GPR158: variants seen among roughly 807,000 people sequenced by gnomAD.
GPR158 encodes the protein G protein-coupled receptor 158.
Under a neutral mutation model 78.2 loss-of-function variants are expected in GPR158, and 30 were observed. The observed-to-expected ratio is 0.38, with a 90% CI of 0.29 to 0.52. GPR158 has a LOEUF of 0.52. GPR158 is among the 20% of genes least tolerant of loss of function. The pLI, the probability that GPR158 is intolerant of heterozygous loss-of-function variation, is 0.83. For synonymous variants in GPR158, 581 were observed against 591.1 expected (o/e 0.98, Z 0.25); for missense variants, 1,463 against 1,523.5 (o/e 0.96, Z 0.66).
intron 2 of GPR158, among the ~76,000 whole-genome samples, chr10:25,285,048 C>A (rs888750350): frequency 1.4e-5 from 2 of 145,288 alleles, no homozygotes; most frequent in Non-Finnish European, 3.0e-5. Context: ...TCCCTTACTG[C>A]ATTTCCAGTT....
intron 4 of GPR158, among the ~76,000 whole-genome samples, chr10:25,412,718 T>C (rs66977057): frequency 0.04 from 6,072 of 152,330 alleles, 126 homozygotes; most frequent in African/African-American, 0.05. Context: ...CAGTGCTTCA[T>C]TGACTTAAAT....
chr10:25,601,520 A>G lies in GPR158; in HGVS notation c.*2246A>G, dbSNP rs1002011089. On this transcript the variant is annotated 3_prime_UTR_variant, in exon 11 of 11. Coordinates refer to ENST00000376351, the MANE Select transcript of GPR158 (RefSeq NM_020752.3). Reference sequence around the variant, plus strand: ...TGCAGTCAAGCATCAGTGACTTTCTATTGCACTTCAGGATTGATCCTGCTA... The same window carrying G: ...TGCAGTCAAGCATCAGTGACTTTCTGTTGCACTTCAGGATTGATCCTGCTA... 2 of 152,580 alleles carry G rather than the reference A, an allele frequency of 1.3e-5. No individual in the cohort carries two copies. The highest frequency in any genetic ancestry group is 2.9e-5 in the Non-Finnish European group (2 of 68,032). The allele number at this position is 152,580 out of a possible 1,614,324, so 9.5% of individuals were successfully genotyped here. A position where few individuals can be genotyped will look rare whatever the true frequency, so the allele number is the denominator to read the frequency against.
chr10:25,403,169 A>C (rs769671735), intron 3 of GPR158, among the ~76,000 whole-genome samples: 1 of 151,966 alleles, frequency 6.6e-6, no homozygotes, highest in Non-Finnish European at 1.5e-5. Flanking sequence ...TTGCTTAACC[A>C]TTCTAAGGTT....
chr10:25,576,572 G>A (rs1201234415), intron 7 of GPR158, among the ~76,000 whole-genome samples: 1 of 152,036 alleles, frequency 6.6e-6, no homozygotes, highest in Non-Finnish European at 1.5e-5. Context: ...GAGTAATGAC[G>A]ACCCTGAGAT....
chr10:25,483,243 C>T (rs1271181092), intron 5 of GPR158, among the ~76,000 whole-genome samples: 1 of 152,072 alleles, frequency 6.6e-6, no homozygotes, highest in East Asian at 1.9e-4. Context: ...AAAAGACCTT[C>T]ATGATCTGCT....
intron 1 of GPR158, among the ~76,000 whole-genome samples, chr10:25,199,325 C>T (rs1588730593): frequency 6.6e-6 from 1 of 152,118 alleles, no homozygotes; most frequent in East Asian, 1.9e-4. Flanking sequence ...TCATCACTCT[C>T]AAGTAGCCCT....
At chr10:25,335,261 C>T (rs574919141) in intron 2 of GPR158, among the ~76,000 whole-genome samples, 7 of 152,024 alleles carry the variant, frequency 4.6e-5, no homozygotes, top group Non-Finnish European at 8.8e-5. Flanking sequence ...TAAATTTTGT[C>T]AGATGCCAAA....
intron 3 of GPR158, among the ~76,000 whole-genome samples, chr10:25,409,142 T>C (rs914693497): frequency 6.6e-6 from 1 of 152,166 alleles, no homozygotes. Context: ...GCTTTCCTCT[T>C]TCGCCTTTTT....
At chr10:25,190,371 C>T (rs1852756962) in intron 1 of GPR158, among the ~76,000 whole-genome samples, 1 of 151,972 alleles carries the variant, frequency 6.6e-6, no homozygotes, top group Non-Finnish European at 1.5e-5. Context: ...CTTACTTTGT[C>T]ACCCAGGCTG....
chr10:25,382,817 T>TA (rs1377803464), intron 2 of GPR158, among the ~76,000 whole-genome samples: 1 of 151,962 alleles, frequency 6.6e-6, no homozygotes, highest in East Asian at 1.9e-4. Context: ...TTCATTTATT[T>TA]ATTTTATTTT....
chr10:25,219,085 G>T (rs1853261098), intron 1 of GPR158, among the ~76,000 whole-genome samples: 1 of 152,206 alleles, frequency 6.6e-6, no homozygotes, highest in Non-Finnish European at 1.5e-5. Flanking sequence ...GGGCTTACAT[G>T]ATTGGATTAA....
intron 5 of GPR158, among the ~76,000 whole-genome samples, chr10:25,519,588 G>A (rs1325353406): frequency 1.4e-5 from 2 of 143,278 alleles, no homozygotes; most frequent in Non-Finnish European, 3.0e-5. Context: ...AAATCTCTCA[G>A]CATTTGCTTG....
At chr10:25,358,980 T>A (rs1043004494) in intron 2 of GPR158, among the ~76,000 whole-genome samples, 1 of 150,006 alleles carries the variant, frequency 6.7e-6, no homozygotes, top group Admixed American at 6.6e-5. Context: ...TAAATCTGGT[T>A]GGTTTGTAAT....
Position 25,498,042 on chromosome 10 carries a change from A to C in GPR158, c.1404+31323A>C, listed in dbSNP as rs574579630. Reference sequence around the variant, plus strand: ...ATTTGGTGAAAGGAAAGAAAGTATGAGGAGCAGAAAGAGAAAGAGGAAGGT... The same window carrying C: ...ATTTGGTGAAAGGAAAGAAAGTATGCGGAGCAGAAAGAGAAAGAGGAAGGT... On this transcript the variant is annotated intron_variant, in intron 5 of 10. Transcript: ENST00000376351. 6.6e-5 allele frequency among the ~76,000 whole-genome samples: 10 copies of C among 152,374 alleles called. No individual in the cohort carries two copies. The South Asian group carries it at 1.9e-3, about 28-fold the overall frequency.
At chr10:25,400,031 A>G (rs1834419277) in intron 3 of GPR158, among the ~76,000 whole-genome samples, 1 of 152,222 alleles carries the variant, frequency 6.6e-6, no homozygotes, top group Non-Finnish European at 1.5e-5. Flanking sequence ...CAGTTAAATA[A>G]TTGAATACAC....
At chr10:25,429,515 C>T (rs1036172985) in intron 4 of GPR158, among the ~76,000 whole-genome samples, 4 of 151,954 alleles carry the variant, frequency 2.6e-5, no homozygotes, top group East Asian at 1.9e-4. Context: ...TGTAGATTAC[C>T]TTTCCTTAAA....
At chr10:25,272,545 A>T (rs969183937) in intron 2 of GPR158, among the ~76,000 whole-genome samples, 1 of 152,188 alleles carries the variant, frequency 6.6e-6, no homozygotes, top group African/African-American at 2.4e-5. Flanking sequence ...ATCCATAAAT[A>T]TAGACAGAAA....
At chr10:25,254,303 A>G (rs1484158420) in intron 2 of GPR158, among the ~76,000 whole-genome samples, 1 of 152,238 alleles carries the variant, frequency 6.6e-6, no homozygotes, top group Non-Finnish European at 1.5e-5. Context: ...AACAGGACAA[A>G]TAGATTTGCA....
At chr10:25,263,027 T>C (rs1026864071) in intron 2 of GPR158, among the ~76,000 whole-genome samples, 5 of 152,328 alleles carry the variant, frequency 3.3e-5, no homozygotes, top group Admixed American at 2.0e-4. Context: ...TGTTGTCTTT[T>C]GGAGAGCAAA....
Sources: allele counts gnomAD v4.1 joint callset (sites outside exome capture counted in the v4.1 genomes callset), GRCh38; gene constraint gnomAD v4.1.1; transcripts MANE v1.5; gene names NCBI Gene and HGNC (gene_info 2026-07-23, HGNC 2026-07-21).